The following RAB2A variants were observed in gnomAD, a reference collection of about 807,000 sequenced individuals.
The protein encoded by RAB2A is ras-related protein Rab-2A.
Under a neutral mutation model 32.5 loss-of-function variants are expected in RAB2A, and 7 were observed. The observed-to-expected ratio is 0.22, with a 90% CI of 0.12 to 0.40. RAB2A has a LOEUF of 0.40. Among genes scored for constraint, RAB2A ranks in the 10% least tolerant of loss-of-function variants. RAB2A has a pLI of 1.00. For missense variants in RAB2A, 108 were observed against 260.7 expected (o/e 0.41, Z 4.03); for synonymous variants, 79 against 85.2 (o/e 0.93, Z 0.40).
chr8:60,535,234 GTTAT>G (rs1388362090), intron 1 of RAB2A, among the ~76,000 whole-genome samples: 2 of 152,162 alleles, frequency 1.3e-5, no homozygotes, highest in East Asian at 1.9e-4. Context: ...AGTTTTGCTG[GTTAT>G]TTAAGTGCAG....
At chr8:60,570,006 C>A in intron 2 of RAB2A, 1 of 456,252 alleles carries the variant, frequency 2.2e-6, no homozygotes, top group Non-Finnish European at 4.4e-6. Context: ...AGCTATCCTG[C>A]AGCAGGAGCA....
At position 60,601,106 on chromosome 8, in the gene RAB2A, C is replaced by G. The variant is rs145418604; in HGVS notation, c.474+9137C>G. Reference sequence around the variant, plus strand: ...AAATGAGAATTCATCAGGAAGAAGCCTCCTAACCACAATAAAATACTAATG... The same window carrying G: ...AAATGAGAATTCATCAGGAAGAAGCGTCCTAACCACAATAAAATACTAATG... On this transcript the variant is annotated intron_variant, in intron 6 of 7. Transcript: ENST00000262646. Among the ~76,000 whole-genome samples, 26 of 152,220 alleles carry G rather than the reference C, an allele frequency of 1.7e-4. 1 individual carries two copies. In the East Asian group the frequency reaches 5.0e-3, roughly 29 times the overall value.
Position 60,517,023 on chromosome 8 carries a change from C to G in RAB2A, c.-185C>G, listed in dbSNP as rs1807215069. On this transcript the variant is annotated 5_prime_UTR_variant, in exon 1 of 8. Transcript: ENST00000262646. The stretch of plus-strand genomic sequence containing the variant: ...GGGCTCGGTCGGGCGCTGTCTCCCT[C>G]GGCTCTGCGGGTGTCAGTTCGTCCG... The G allele has an allele frequency of 1.9e-6, 1 of 514,570 alleles. No homozygotes were observed. The highest frequency in any genetic ancestry group is 3.4e-6 in the Non-Finnish European group (1 of 297,292). 31.9% of individuals were successfully genotyped at this position (514,570 alleles called of 1,614,324 possible).
chr8:60,543,397 C>A (rs1302407340), intron 1 of RAB2A, among the ~76,000 whole-genome samples: 1 of 151,868 alleles, frequency 6.6e-6, no homozygotes, highest in Non-Finnish European at 1.5e-5. Flanking sequence ...ACTGTACTCT[C>A]TATCCCTGTC....
chr8:60,525,995 CTATA>C (rs1323080884), intron 1 of RAB2A, among the ~76,000 whole-genome samples: 1 of 97,056 alleles, frequency 1.0e-5, no homozygotes, highest in African/African-American at 3.7e-5. Flanking sequence ...GTATATATGT[CTATA>C]TGTATATATG....
chr8:60,550,276 T>A (rs921176425), intron 1 of RAB2A, among the ~76,000 whole-genome samples: 3 of 107,466 alleles, frequency 2.8e-5, no homozygotes, highest in East Asian at 2.6e-4. Context: ...ACACATTCTC[T>A]TGGCTCTGCC....
At chr8:60,535,597 A>G (rs1807544892) in intron 1 of RAB2A, among the ~76,000 whole-genome samples, 2 of 152,262 alleles carry the variant, frequency 1.3e-5, no homozygotes, top group African/African-American at 2.4e-5. Context: ...GGTCTGTGGT[A>G]GCAAATAACA....
At chr8:60,581,264 T>G (rs1197167801) in intron 3 of RAB2A, among the ~76,000 whole-genome samples, 1 of 152,204 alleles carries the variant, frequency 6.6e-6, no homozygotes. Context: ...AACTGATAAG[T>G]ATAATGCAAA....
chr8:60,591,222 A>G (rs998465452), intron 5 of RAB2A, among the ~76,000 whole-genome samples: 1 of 151,952 alleles, frequency 6.6e-6, no homozygotes, highest in African/African-American at 2.4e-5. Flanking sequence ...TATGATAAAA[A>G]TGAATACCCT....
At chr8:60,540,177 T>C (rs1807617557) in intron 1 of RAB2A, among the ~76,000 whole-genome samples, 1 of 150,712 alleles carries the variant, frequency 6.6e-6, no homozygotes, top group Non-Finnish European at 1.5e-5. Flanking sequence ...TTTTCTTCTG[T>C]CTCATCCATT....
chr8:60,574,879 C>T (rs1487273692), intron 3 of RAB2A, among the ~76,000 whole-genome samples: 1 of 152,146 alleles, frequency 6.6e-6, no homozygotes, highest in East Asian at 1.9e-4. Context: ...TTTCTTTCCT[C>T]TATTTCTGAG....
rs79495000 is a variant in RAB2A, at chr8:60,608,409, G to C, written c.475-10171G>C. On this transcript the variant is annotated intron_variant, in intron 6 of 7. Transcript: ENST00000262646. ...CAGTAAACTTCTTTCTTAGCTCCAT[G>C]ACACCGTTTTCTTTCTTTTTCTCTT... Among the ~76,000 whole-genome samples the C allele has an allele frequency of 1.1e-3, 172 of 151,650 alleles. 1 individual carries two copies. Among genetic ancestry groups the C allele is most frequent in the African/African-American group, 4.0e-3 (165 of 41,316 alleles).
Position 60,620,662 on chromosome 8 carries a change from C to T in RAB2A, c.544-12C>T, listed in dbSNP as rs377480315. 5.0e-6 allele frequency: 8 copies of T among 1,590,654 alleles called. No individual in the cohort carries two copies. Among genetic ancestry groups the T allele is most frequent in the Non-Finnish European group, 6.9e-6 (8 of 1,160,178 alleles). On this transcript the variant is annotated splice_polypyrimidine_tract_variant and intron_variant, in intron 7 of 7. Coordinates refer to ENST00000262646, the MANE Select transcript of RAB2A (RefSeq NM_002865.3). ...CTGGTCATATTTATTGTTCTGTTCT[C>T]TTTTATTTCAGGCAAATGGCATTAA...
intron 1 of RAB2A, among the ~76,000 whole-genome samples, chr8:60,530,898 T>G (rs962844925): frequency 3.3e-5 from 5 of 152,178 alleles, no homozygotes; most frequent in Admixed American, 3.3e-4. Context: ...ACCTATTCCT[T>G]GCAGGCCAGT....
At chr8:60,601,918 C>T (rs942772300) in intron 6 of RAB2A, among the ~76,000 whole-genome samples, 7 of 152,300 alleles carry the variant, frequency 4.6e-5, no homozygotes, top group South Asian at 2.1e-4. Flanking sequence ...GACAGGGTCT[C>T]ACTCTGTCAC....
chr8:60,593,731 G>A (rs1453391325), intron 6 of RAB2A, among the ~76,000 whole-genome samples: 1 of 151,928 alleles, frequency 6.6e-6, no homozygotes, highest in Non-Finnish European at 1.5e-5. Flanking sequence ...TAAATTGAAT[G>A]AAAAAAAGAT....
chr8:60,616,622 C>T (rs903250554), intron 6 of RAB2A, among the ~76,000 whole-genome samples: 4 of 152,256 alleles, frequency 2.6e-5, no homozygotes, highest in Admixed American at 6.5e-5. Context: ...TTAGCTCTAG[C>T]ACATACATGA....
chr8:60,609,048 C>T (rs1480311211), intron 6 of RAB2A, among the ~76,000 whole-genome samples: 1 of 152,152 alleles, frequency 6.6e-6, no homozygotes, highest in African/African-American at 2.4e-5. Flanking sequence ...GAATGTCTCT[C>T]TCCAGTTTTA....
rs184558556 is a variant in RAB2A, at chr8:60,608,366, A to C, written c.475-10214A>C. On this transcript the variant is annotated intron_variant, in intron 6 of 7. Coordinates refer to ENST00000262646, the MANE Select transcript of RAB2A (RefSeq NM_002865.3). ...TTAAACAGTCCTTTGGGAATATTTG[A>C]TACTTTTGACTACTCTTCAGTAAAC... 1.1e-4 allele frequency among the ~76,000 whole-genome samples: 16 copies of C among 152,004 alleles called. No individual in the cohort carries two copies. The East Asian group carries it at 3.1e-3, about 29-fold the overall frequency.
Sources: allele counts gnomAD v4.1 joint callset (sites outside exome capture counted in the v4.1 genomes callset), GRCh38; gene constraint gnomAD v4.1.1; transcripts MANE v1.5; gene names NCBI Gene and HGNC (gene_info 2026-07-23, HGNC 2026-07-21).